PPP1R12A: variants seen among roughly 807,000 people sequenced by gnomAD.
PPP1R12A encodes myosin binding subunit.
PPP1R12A carries 19 observed loss-of-function variants against 139.6 expected under a neutral mutation model. The observed-to-expected ratio is 0.14, with a 90% CI of 0.09 to 0.20. PPP1R12A has a LOEUF of 0.20. Among genes scored for constraint, PPP1R12A ranks in the 10% least tolerant of loss-of-function variants. The pLI is 1.00. For missense variants in PPP1R12A, 925 were observed against 1,211.5 expected, an observed-to-expected ratio of 0.76 and a Z score of 3.51; for synonymous variants, 427 against 420.6, an observed-to-expected ratio of 1.02 and a Z score of -0.19.
chr12:79,843,753 G>T (rs1346166150), intron 3 of PPP1R12A, among the ~76,000 whole-genome samples: 18 of 151,148 alleles, frequency 1.2e-4, no homozygotes, highest in Admixed American at 1.2e-3. Flanking sequence ...CTCAAGGCTG[G>T]AGTGCAGTGG....
intron 14 of PPP1R12A, among the ~76,000 whole-genome samples, chr12:79,799,440 G>A (rs760198730): frequency 2.0e-4 from 31 of 152,282 alleles, no homozygotes; most frequent in Admixed American, 2.6e-4. Context: ...GTGGGCCACC[G>A]CGCCCGGTCT....
At chr12:79,826,102 G>A (rs752361417) in intron 5 of PPP1R12A, among the ~76,000 whole-genome samples, 48 of 151,760 alleles carry the variant, frequency 3.2e-4, no homozygotes, top group Non-Finnish European at 5.7e-4. Flanking sequence ...ATAGTATCTT[G>A]AAAAAGAAAA....
intron 1 of PPP1R12A, among the ~76,000 whole-genome samples, chr12:79,913,395 T>C (rs1410943713): frequency 6.6e-6 from 1 of 152,186 alleles, no homozygotes; most frequent in African/African-American, 2.4e-5. Flanking sequence ...ACGGGGGAGA[T>C]GAAGATGAAC....
intron 3 of PPP1R12A, among the ~76,000 whole-genome samples, chr12:79,833,430 A>G (rs1009358780): frequency 1.3e-5 from 2 of 152,168 alleles, no homozygotes; most frequent in Non-Finnish European, 2.9e-5. Context: ...TTTAATAAAC[A>G]GCACACACCG....
intron 1 of PPP1R12A, among the ~76,000 whole-genome samples, chr12:79,914,462 C>T (rs1886834156): frequency 6.6e-6 from 1 of 151,952 alleles, no homozygotes. Flanking sequence ...GGTCCTAAAA[C>T]CAAAAAGTCT....
intron 9 of PPP1R12A, 143 bp downstream of exon 9, chr12:79,817,249 TGA>T (rs1362950199): frequency 1.4e-6 from 1 of 732,140 alleles, no homozygotes; most frequent in Non-Finnish European, 2.0e-6. Context: ...CTCATTCAAC[TGA>T]GAAACATAAA....
chr12:79,932,489 A>G (rs192181186), intron 1 of PPP1R12A, among the ~76,000 whole-genome samples: 283 of 152,334 alleles, frequency 1.9e-3, no homozygotes, highest in African/African-American at 6.6e-3. Flanking sequence ...GCATTTGCAG[A>G]TATGGAAAAA....
At chr12:79,911,153 GA>G (rs561977595) in intron 1 of PPP1R12A, among the ~76,000 whole-genome samples, 29 of 152,226 alleles carry the variant, frequency 1.9e-4, no homozygotes, top group African/African-American at 5.8e-4. Flanking sequence ...CACAATTTAT[GA>G]ATTAAGTTTA....
At position 79,894,042 on chromosome 12, in the gene PPP1R12A, C is replaced by T. The variant is rs77487311; in HGVS notation, c.238-21104G>A. Among the ~76,000 whole-genome samples, 797 of 152,280 alleles carry T rather than the reference C, an allele frequency of 5.2e-3. 8 individuals carry two copies. Among genetic ancestry groups the T allele is most frequent in the African/African-American group, 0.017 (713 of 41,554 alleles). The stretch of plus-strand genomic sequence containing the variant: ...AAGTAATAATTTTGCTTTCACCTTC[C>T]CTAGTATTTACCATCAATGAAACCT... On this transcript the variant is annotated intron_variant, in intron 1 of 24. Transcript: ENST00000450142.
intron 4 of PPP1R12A, 149 bp from the exon 5 acceptor site, chr12:79,828,613 C>A (rs1877065426): frequency 1.5e-6 from 1 of 659,192 alleles, no homozygotes; most frequent in Non-Finnish European, 2.4e-6. Flanking sequence ...TTAACTATGG[C>A]AAATACAAAG....
chr12:79,829,305 T>C (rs1877139949), intron 4 of PPP1R12A, among the ~76,000 whole-genome samples: 1 of 152,114 alleles, frequency 6.6e-6, no homozygotes, highest in Non-Finnish European at 1.5e-5. Flanking sequence ...TACCTCACTT[T>C]CCAAGATGTT....
At chr12:79,836,382 T>A (rs141321494) in intron 3 of PPP1R12A, among the ~76,000 whole-genome samples, 2 of 152,326 alleles carry the variant, frequency 1.3e-5, no homozygotes, top group African/African-American at 4.8e-5. Context: ...CTCCTTTCAT[T>A]ACAATCTTAA....
At chr12:79,826,420 C>A (rs1351419359) in intron 5 of PPP1R12A, among the ~76,000 whole-genome samples, 1 of 148,996 alleles carries the variant, frequency 6.7e-6, no homozygotes, top group Non-Finnish European at 1.5e-5. Flanking sequence ...CTCACTGCAG[C>A]CTTGAACTCC....
intron 4 of PPP1R12A, among the ~76,000 whole-genome samples, chr12:79,828,749 T>C (rs1373069231): frequency 6.6e-6 from 1 of 152,126 alleles, no homozygotes; most frequent in Non-Finnish European, 1.5e-5. Context: ...CTTGTTAATA[T>C]GACTTGTAAG....
At chr12:79,929,553 G>A (rs1195770089) in intron 1 of PPP1R12A, among the ~76,000 whole-genome samples, 2 of 152,078 alleles carry the variant, frequency 1.3e-5, no homozygotes, top group South Asian at 2.1e-4. Context: ...ATCACTTGAG[G>A]TCAGGAGTTC....
At chr12:79,797,575 CACA>C (rs1447742850) in intron 15 of PPP1R12A, among the ~76,000 whole-genome samples, 180 bp from the exon 16 acceptor site, 1 of 152,060 alleles carries the variant, frequency 6.6e-6, no homozygotes, top group Non-Finnish European at 1.5e-5. Context: ...CATTAGCAAG[CACA>C]ACGATAGGTA....
chr12:79,779,346 G>T, intron 23 of PPP1R12A: 1 of 1,288,912 alleles, frequency 7.8e-7, no homozygotes, highest in Non-Finnish European at 1.0e-6. Context: ...GACTCTTGCC[G>T]GTCACCTTTC....
At position 79,776,020 on chromosome 12, in the gene PPP1R12A, A is replaced by C; in HGVS notation, c.3007-5T>G. 1 of 1,554,176 alleles carries C rather than the reference A, an allele frequency of 6.4e-7. No homozygotes were observed. Among genetic ancestry groups the C allele is most frequent in the Admixed American group, 1.9e-5 (1 of 53,068 alleles). ...TGCTTTTAGGTCTGGTAACATCTATAAAGAGAAAAATTGAAGATCAAGTTT... is the reference window on the plus strand; with the variant it reads ...TGCTTTTAGGTCTGGTAACATCTATCAAGAGAAAAATTGAAGATCAAGTTT... On this transcript the variant is annotated splice_polypyrimidine_tract_variant and splice_region_variant and intron_variant, in intron 24 of 24. Transcript: ENST00000450142.
At chr12:79,922,562 T>C (rs552341754) in intron 1 of PPP1R12A, among the ~76,000 whole-genome samples, 1 of 152,222 alleles carries the variant, frequency 6.6e-6, no homozygotes, top group African/African-American at 2.4e-5. Flanking sequence ...CTGGAAGCCA[T>C]CATTCTCAGC....
Sources: allele counts gnomAD v4.1 joint callset (sites outside exome capture counted in the v4.1 genomes callset), GRCh38; gene constraint gnomAD v4.1.1; transcripts MANE v1.5; gene names NCBI Gene and HGNC (gene_info 2026-07-23, HGNC 2026-07-21).